Variants in RXFP2 observed in about 807,000 individuals in gnomAD.
RXFP2 encodes relaxin receptor 2.
A neutral mutation model predicts 88.6 loss-of-function variants in RXFP2; 68 were observed. That is an observed-to-expected ratio of 0.77 (90% CI 0.63 to 0.94). RXFP2 has a LOEUF of 0.94. RXFP2 is among the 40% of genes least tolerant of loss of function. RXFP2 has a pLI of 0.00. For synonymous variants in RXFP2, 329 were observed against 306.8 expected (o/e 1.07, Z -0.76); for missense variants, 791 against 893.9 (o/e 0.88, Z 1.47).
At chr13:31,747,036 T>C (rs992890136) in intron 1 of RXFP2, among the ~76,000 whole-genome samples, 29 of 152,222 alleles carry the variant, frequency 1.9e-4, no homozygotes, top group African/African-American at 7.0e-4. Context: ...TTTGGCTGTT[T>C]CCTGTTTCCC....
In RXFP2 at chr13:31,791,910, T is replaced by G; in HGVS notation, c.1250T>G (p.Ile417Ser). Residue 417 changes from isoleucine (I) to serine (S), a missense_variant, in exon 15 of 18, where the codon ATC (isoleucine) becomes AGC (serine). Ile to Ser is a moderately radical substitution (Grantham distance 142, BLOSUM62 -2). Transcript: ENST00000298386. ...SSFEDLLANNILRIFVWVIAF... is the reference protein window; with the variant it reads ...SSFEDLLANNSLRIFVWVIAF... ...TTTGAGGACCTCTTGGCTAACAATA[T>G]CCTCAGAATATTTGTCTGGGTTATA... The G allele has an allele frequency of 6.2e-7, 1 of 1,614,160 alleles. No homozygotes were observed. The highest frequency in any genetic ancestry group is 1.1e-5 in the South Asian group (1 of 91,084).
At chr13:31,797,097 T>C in intron 16 of RXFP2, 104 bp from the exon 17 acceptor site, 2 of 833,690 alleles carry the variant, frequency 2.4e-6, no homozygotes, top group African/African-American at 1.7e-5. Flanking sequence ...TCCAAAACAT[T>C]TCTGGTTTCA....
intron 3 of RXFP2, among the ~76,000 whole-genome samples, chr13:31,764,359 C>G (rs1030344742): frequency 1.3e-5 from 2 of 151,640 alleles, no homozygotes; most frequent in African/African-American, 4.8e-5. Flanking sequence ...TGTCATTATC[C>G]TAGTAACTAC....
chr13:31,799,635 T>C (rs560924584), intron 17 of RXFP2, among the ~76,000 whole-genome samples: 1 of 152,336 alleles, frequency 6.6e-6, no homozygotes, highest in South Asian at 2.1e-4. Context: ...CCCCTGCCAC[T>C]GACTTGTTGA....
chr13:31,758,553 A>G (rs926459191), intron 2 of RXFP2, 149 bp downstream of exon 2: 16 of 876,498 alleles, frequency 1.8e-5, no homozygotes, highest in East Asian at 7.6e-5. Flanking sequence ...TGACTCCCCA[A>G]TGTATTTGTG....
At position 31,793,068 on chromosome 13, in the gene RXFP2, A is replaced by T. The variant is rs1873872235; in HGVS notation, c.1766A>T (p.Tyr589Phe). ...DQTEDIGSKGYSLGIFLGVNL... is the reference protein window; with the variant it reads ...DQTEDIGSKGFSLGIFLGVNL... ...ACAGAAGATATTGGAAGCAAAGGGT[A>T]TTCTCTTGGAATTTTCCTAGGTAAA... Residue 589 changes from tyrosine to phenylalanine, a missense_variant, in exon 16 of 18, where the codon TAT (tyrosine) becomes TTT (phenylalanine). Transcript: ENST00000298386. The T allele has an allele frequency of 1.2e-6, 2 of 1,612,222 alleles. No homozygotes were observed. Among genetic ancestry groups the T allele is most frequent in the Non-Finnish European group, 1.7e-6 (2 of 1,178,548 alleles).
In RXFP2 at chr13:31,746,444, C is replaced by T. The variant is rs1036565654; in HGVS notation, c.94+6738C>T. Among the ~76,000 whole-genome samples the T allele has an allele frequency of 3.9e-4, 59 of 152,090 alleles. 1 individual carries two copies. Among genetic ancestry groups the T allele is most frequent in the African/African-American group, 1.4e-3 (58 of 41,406 alleles). The stretch of plus-strand genomic sequence containing the variant: ...AGCTGAATCTACATTGTCTACTTAT[C>T]AATATAAAGTTTCTTAACAAATAGT... On this transcript the variant is annotated intron_variant, in intron 1 of 17. Coordinates refer to ENST00000298386, the MANE Select transcript of RXFP2 (RefSeq NM_130806.5).
At chr13:31,781,948 A>T (rs1415536725) in intron 10 of RXFP2, among the ~76,000 whole-genome samples, 1 of 152,118 alleles carries the variant, frequency 6.6e-6, no homozygotes, top group East Asian at 1.9e-4. Flanking sequence ...TAGGGACATC[A>T]TGTGCCATCT....
intron 1 of RXFP2, among the ~76,000 whole-genome samples, chr13:31,745,040 C>A (rs147964030): frequency 6.6e-6 from 1 of 151,784 alleles, no homozygotes; most frequent in Non-Finnish European, 1.5e-5. Flanking sequence ...CGTGGTGGTG[C>A]GTGCCTGTAG....
At position 31,758,421 on chromosome 13, in the gene RXFP2, G is replaced by T; in HGVS notation, c.241+17G>T. 3 of 1,613,698 alleles carry T rather than the reference G, an allele frequency of 1.9e-6. No individual in the cohort carries two copies. The highest frequency in any genetic ancestry group is 2.2e-5 in the East Asian group (1 of 44,864). On this transcript the variant is annotated intron_variant, in intron 2 of 17. Transcript: ENST00000298386. ...AGAACTGTGGTGAGTGCTCCCCTCG[G>T]CTCCCCATGTGTGCCTCACTTTATG...
At chr13:31,784,115 C>A (rs1184762559) in intron 11 of RXFP2, among the ~76,000 whole-genome samples, 1 of 151,676 alleles carries the variant, frequency 6.6e-6, no homozygotes, top group East Asian at 1.9e-4. Flanking sequence ...GTGTGAGCCA[C>A]CACGCCCAAC....
chr13:31,785,357 A>C (rs928615079), intron 11 of RXFP2, among the ~76,000 whole-genome samples: 2 of 152,096 alleles, frequency 1.3e-5, no homozygotes, highest in Admixed American at 1.3e-4. Flanking sequence ...CTGACTCCTG[A>C]AAGTGTCACT....
chr13:31,781,640 A>G, intron 9 of RXFP2, 31 bp from the exon 10 acceptor site: 1 of 1,498,328 alleles, frequency 6.7e-7, no homozygotes, highest in East Asian at 2.3e-5. Flanking sequence ...TACAAAAAAT[A>G]TTAAAAATAT....
chr13:31,749,690 G>A (rs1440602290), intron 1 of RXFP2, among the ~76,000 whole-genome samples: 2 of 152,024 alleles, frequency 1.3e-5, no homozygotes, highest in African/African-American at 2.4e-5. Flanking sequence ...TTTTTAAAAT[G>A]TTTCATTGTC....
intron 3 of RXFP2, among the ~76,000 whole-genome samples, chr13:31,762,612 A>G (rs1040620766): frequency 4.6e-5 from 7 of 152,206 alleles, no homozygotes; most frequent in Non-Finnish European, 7.3e-5. Flanking sequence ...AGATGAATGT[A>G]CAATTACATA....
At chr13:31,770,522 A>T (rs1022566643) in intron 5 of RXFP2, among the ~76,000 whole-genome samples, 1 of 152,166 alleles carries the variant, frequency 6.6e-6, no homozygotes, top group African/African-American at 2.4e-5. Context: ...TCCTAAGACC[A>T]TCTTCTTTGA....
rs376763274 is a variant in RXFP2 at position 31,752,872 on chromosome 13, G to A, written c.95-5386G>A. On this transcript the variant is annotated intron_variant, in intron 1 of 17. Coordinates refer to ENST00000298386, the MANE Select transcript of RXFP2 (RefSeq NM_130806.5). ...GCTTTGCTGACTGACAACAAACTGC[G>A]GCACATAGTAGGCACTTAGTTAACA... Among the ~76,000 whole-genome samples the A allele has an allele frequency of 9.9e-5, 15 of 152,260 alleles. No homozygotes were observed. The East Asian group carries it at 1.4e-3, about 14-fold the overall frequency.
At chr13:31,795,877 A>G (rs879532595) in intron 16 of RXFP2, among the ~76,000 whole-genome samples, 12 of 152,070 alleles carry the variant, frequency 7.9e-5, no homozygotes, top group Non-Finnish European at 1.2e-4. Flanking sequence ...AATCTTGTGA[A>G]TATATTTGGG....
chr13:31,776,209 C>G (rs1872968281), intron 7 of RXFP2, among the ~76,000 whole-genome samples: 1 of 124,400 alleles, frequency 8.0e-6, no homozygotes, highest in South Asian at 2.6e-4. Context: ...TTCTTTCTTT[C>G]TTGTTTGCTT....
Sources: allele counts gnomAD v4.1 joint callset (sites outside exome capture counted in the v4.1 genomes callset), GRCh38; gene constraint gnomAD v4.1.1; transcripts MANE v1.5; gene names NCBI Gene and HGNC (gene_info 2026-07-23, HGNC 2026-07-21).